Variants in WDR59 observed in about 807,000 individuals in gnomAD.
The protein encoded by WDR59 is WD repeat domain 59.
In WDR59, 100 loss-of-function variants were observed where a neutral mutation model predicts 131.2. That is an observed-to-expected ratio of 0.76 (90% CI 0.65 to 0.90). WDR59 has a LOEUF of 0.90. Among genes scored for constraint, WDR59 ranks in the 40% least tolerant of loss-of-function variants. The pLI is 0.00. For synonymous variants in WDR59, 601 were observed against 466.2 expected, an observed-to-expected ratio of 1.29 and a Z score of -3.72; for missense variants, 1,203 against 1,262.2, an observed-to-expected ratio of 0.95 and a Z score of 0.71.
intron 3 of WDR59, 111 bp downstream of exon 3, chr16:74,956,364 T>A: frequency 7.2e-7 from 1 of 1,386,658 alleles, no homozygotes; most frequent in Non-Finnish European, 9.5e-7. Context: ...CCAAACCTCT[T>A]TTCCAAATGA....
Position 74,874,143 on chromosome 16 carries a change from C to A in WDR59, c.*66G>T, listed in dbSNP as rs1223265612. The stretch of plus-strand genomic sequence containing the variant: ...CCAGGTTCTGGAGCCTCTCCCCTGA[C>A]AGACAGCTTGTCACCGGCACTTATG... On this transcript the variant is annotated 3_prime_UTR_variant, in exon 26 of 26. Transcript: ENST00000262144. 5 of 1,392,136 alleles carry A rather than the reference C, an allele frequency of 3.6e-6. No homozygotes were observed. The highest frequency in any genetic ancestry group is 4.9e-6 in the Non-Finnish European group (5 of 1,012,016). The allele number at this position is 1,392,136 out of a possible 1,614,324, so 86.2% of individuals were successfully genotyped here.
At chr16:74,922,917 C>T (rs566157266) in intron 9 of WDR59, among the ~76,000 whole-genome samples, 4 of 152,252 alleles carry the variant, frequency 2.6e-5, no homozygotes, top group Admixed American at 6.5e-5. Context: ...TGGTGACAGC[C>T]CAATGTATAA....
chr16:74,904,491 G>A, intron 17 of WDR59: 1 of 194,862 alleles, frequency 5.1e-6, no homozygotes, highest in Non-Finnish European at 1.1e-5. Context: ...AAATGTGCGT[G>A]AAAATACAAA....
chr16:74,886,097 G>A (rs1280645955), intron 24 of WDR59, 173 bp downstream of exon 24: 7 of 843,282 alleles, frequency 8.3e-6, no homozygotes, highest in Middle Eastern at 3.4e-4. Flanking sequence ...AGAATCACTT[G>A]AGCCTGGGAA....
At chr16:74,902,618 A>G (rs1965608166) in intron 18 of WDR59, among the ~76,000 whole-genome samples, 1 of 152,128 alleles carries the variant, frequency 6.6e-6, no homozygotes, top group African/African-American at 2.4e-5. Flanking sequence ...TCGGAGAGGA[A>G]TTCAGAACTG....
In WDR59 at chr16:74,930,318, T is replaced by C. The variant is rs535570147; in HGVS notation, c.652-6315A>G. On this transcript the variant is annotated intron_variant, in intron 8 of 25. Coordinates refer to ENST00000262144, the MANE Select transcript of WDR59 (RefSeq NM_030581.4). ...AAATATCTCATGTACCCCATACATA[T>C]ATACACCTACTAGCTACCCATAAAT... 3.8e-4 allele frequency among the ~76,000 whole-genome samples: 58 copies of C among 152,294 alleles called. 1 individual carries two copies. Among genetic ancestry groups the C allele is most frequent in the African/African-American group, 1.2e-3 (48 of 41,568 alleles).
chr16:74,880,570 C>G (rs74436401), intron 25 of WDR59, among the ~76,000 whole-genome samples: 2,290 of 152,244 alleles, frequency 0.015, 42 homozygotes, highest in African/African-American at 0.05. Flanking sequence ...CTTCTTTGGC[C>G]TAGGGAATCC....
chr16:74,956,506 T>A lies in WDR59; in HGVS notation c.209A>T (p.His70Leu). ...WDIGAVQWNP[H>L]DSFAHYFAAS... The stretch of plus-strand genomic sequence containing the variant: ...CGCAAAATAGTGTGCAAAGCTGTCA[T>A]GAGGATTCCACTGCACAGCTCCAAT... Residue 70 changes from histidine (H) to leucine (L), a missense_variant, in exon 3 of 26, where the codon CAT becomes CTT. Physicochemically the swap from His to Leu is moderately conservative, Grantham distance 99. Coordinates refer to ENST00000262144, the MANE Select transcript of WDR59 (RefSeq NM_030581.4). 6.2e-7 allele frequency: 1 copy of A among 1,614,086 alleles called. No homozygotes were observed. Among genetic ancestry groups the A allele is most frequent in the Non-Finnish European group, 8.5e-7 (1 of 1,180,024 alleles).
chr16:74,977,645 G>A (rs2034241119), intron 1 of WDR59, among the ~76,000 whole-genome samples: 1 of 152,132 alleles, frequency 6.6e-6, no homozygotes, highest in Non-Finnish European at 1.5e-5. Flanking sequence ...CTGAGATCGT[G>A]CCACTGCACT....
chr16:74,922,991 C>T (rs1377668739), intron 9 of WDR59, among the ~76,000 whole-genome samples: 1 of 152,182 alleles, frequency 6.6e-6, no homozygotes, highest in African/African-American at 2.4e-5. Flanking sequence ...CATTATCTCT[C>T]ACCCGTGTGG....
chr16:74,936,781 C>T (rs2145073370), intron 8 of WDR59, among the ~76,000 whole-genome samples: 1 of 152,146 alleles, frequency 6.6e-6, no homozygotes, highest in Middle Eastern at 3.4e-3. Flanking sequence ...GCCGAGATCA[C>T]ACCACTGCAC....
intron 6 of WDR59, among the ~76,000 whole-genome samples, chr16:74,946,137 G>A (rs1239041784): frequency 6.6e-6 from 1 of 152,174 alleles, no homozygotes; most frequent in Non-Finnish European, 1.5e-5. Flanking sequence ...CTTTATTGCG[G>A]TACAGTGTTA....
intron 2 of WDR59, among the ~76,000 whole-genome samples, chr16:74,958,621 C>CAAAA (rs2033419508): frequency 4.9e-5 from 2 of 41,078 alleles, no homozygotes; most frequent in African/African-American, 8.1e-5. Context: ...AAAAAAAAAA[C>CAAAA]AAGCTAAATA....
chr16:74,886,544 G>C, intron 23 of WDR59, 148 bp from the exon 24 acceptor site: 1 of 1,117,246 alleles, frequency 9.0e-7, no homozygotes, highest in South Asian at 1.8e-5. Context: ...TAACTAAATA[G>C]AACTCTCTCC....
Position 74,942,841 on chromosome 16 carries a change from C to A in WDR59, c.446-15G>T, listed in dbSNP as rs371582056. The A allele has an allele frequency of 2.0e-5, 33 of 1,612,690 alleles. No homozygotes were observed. The highest frequency in any genetic ancestry group is 2.7e-5 in the Non-Finnish European group (32 of 1,179,258). On this transcript the variant is annotated splice_polypyrimidine_tract_variant and intron_variant, in intron 6 of 25. Transcript: ENST00000262144. ...GGAGGCACCCGCTGCAAAGAAAAATCAGGGAAGAAAGCTGCTGCCCTTGGT... is the reference window on the plus strand; with the variant it reads ...GGAGGCACCCGCTGCAAAGAAAAATAAGGGAAGAAAGCTGCTGCCCTTGGT...
At chr16:74,956,788 G>T (rs896362192) in intron 2 of WDR59, among the ~76,000 whole-genome samples, 178 bp from the exon 3 acceptor site, 1 of 152,182 alleles carries the variant, frequency 6.6e-6, no homozygotes, top group Admixed American at 6.6e-5. Context: ...CAAGGTGGCT[G>T]TCACACAAAG....
intron 1 of WDR59, among the ~76,000 whole-genome samples, chr16:74,966,058 C>G (rs879521957): frequency 2.0e-5 from 3 of 152,094 alleles, no homozygotes; most frequent in Non-Finnish European, 2.9e-5. Context: ...AGGCTGGACT[C>G]CAACTCCTGG....
intron 1 of WDR59, among the ~76,000 whole-genome samples, chr16:74,974,540 T>C (rs2034111607): frequency 6.6e-6 from 1 of 152,170 alleles, no homozygotes; most frequent in Admixed American, 6.6e-5. Context: ...ACTACTATCC[T>C]TGCGAGGCCT....
rs1966356835 is a variant in WDR59 at position 74,916,086 on chromosome 16, T to C, written c.1099+41A>G. 5.0e-6 allele frequency: 8 copies of C among 1,613,892 alleles called. 1 individual carries two copies. Among genetic ancestry groups the C allele is most frequent in the Middle Eastern group, 1.6e-4 (1 of 6,084 alleles). On this transcript the variant is annotated intron_variant, in intron 12 of 25. Transcript: ENST00000262144. ...GTATCTGCCACAACTCTGCAATGCG[T>C]AGAGTGGCACCTTACCTGAGACATC...
Sources: allele counts gnomAD v4.1 joint callset (sites outside exome capture counted in the v4.1 genomes callset), GRCh38; gene constraint gnomAD v4.1.1; transcripts MANE v1.5; gene names NCBI Gene and HGNC (gene_info 2026-07-23, HGNC 2026-07-21).